Variants in GLB1L2 observed in about 807,000 individuals in gnomAD.
GLB1L2 encodes the protein galactosidase beta 1 like 2, also known as beta-galactosidase-1-like protein 2.
GLB1L2 carries 68 observed loss-of-function variants against 84.1 expected under a neutral mutation model. The observed-to-expected ratio is 0.81, with a 90% CI of 0.67 to 0.99. The LOEUF (loss-of-function observed/expected upper bound fraction) is 0.99, where lower values mean the gene tolerates loss of function less well. Ranked by LOEUF, GLB1L2 falls within the 50% of genes least tolerant of loss-of-function variation. The pLI, the probability that GLB1L2 is intolerant of heterozygous loss-of-function variation, is 0.00. For missense variants in GLB1L2, 762 were observed against 805.6 expected (o/e 0.95, Z 0.66); for synonymous variants, 290 against 318.0 (o/e 0.91, Z 0.94).
At chr11:134,372,169 A>T (rs1943963182) in intron 15 of GLB1L2, among the ~76,000 whole-genome samples, 1 of 152,158 alleles carries the variant, frequency 6.6e-6, no homozygotes, top group Non-Finnish European at 1.5e-5. Flanking sequence ...GATTTCCAGG[A>T]ATCCAAGGAA....
At chr11:134,354,007 T>C (rs543037921) in intron 5 of GLB1L2, among the ~76,000 whole-genome samples, 1 of 152,234 alleles carries the variant, frequency 6.6e-6, no homozygotes, top group Non-Finnish European at 1.5e-5. Context: ...GTATGTCTTT[T>C]GATTGGGGAG....
At chr11:134,363,169 C>A (rs1212148609) in intron 7 of GLB1L2, among the ~76,000 whole-genome samples, 2 of 152,130 alleles carry the variant, frequency 1.3e-5, no homozygotes, top group Admixed American at 1.3e-4. Flanking sequence ...GAGGGTCCCA[C>A]CCAGTGGGCT....
At chr11:134,340,001 T>C (rs2136259492) in intron 1 of GLB1L2, among the ~76,000 whole-genome samples, 1 of 152,200 alleles carries the variant, frequency 6.6e-6, no homozygotes, top group Admixed American at 6.5e-5. Flanking sequence ...TCCTTAGTCA[T>C]CAACTAATCA....
chr11:134,345,226 A>T, intron 4 of GLB1L2, 97 bp downstream of exon 4: 2 of 1,294,842 alleles, frequency 1.5e-6, no homozygotes, highest in South Asian at 3.3e-5. Flanking sequence ...TCTGTACTGA[A>T]TTGTGTTCCA....
intron 16 of GLB1L2, 79 bp from the exon 17 acceptor site, chr11:134,374,066 A>G (rs1179313633): frequency 3.8e-6 from 4 of 1,047,580 alleles, no homozygotes; most frequent in African/African-American, 3.2e-5. Context: ...AAACGGTGTC[A>G]GGGCCTTTTA....
intron 10 of GLB1L2, among the ~76,000 whole-genome samples, chr11:134,368,991 A>G (rs1009610269): frequency 6.6e-6 from 1 of 152,168 alleles, no homozygotes; most frequent in East Asian, 1.9e-4. Context: ...TGGTCACTCT[A>G]CAGAGAGGCC....
intron 7 of GLB1L2, 41 bp from the exon 8 acceptor site, chr11:134,364,287 A>G (rs754187787): frequency 1.3e-6 from 2 of 1,556,182 alleles, no homozygotes; most frequent in Non-Finnish European, 1.8e-6. Context: ...CCTGGCTTTG[A>G]GACAGTGCTT....
chr11:134,345,721 G>A (rs569290513), intron 4 of GLB1L2, among the ~76,000 whole-genome samples: 28 of 152,240 alleles, frequency 1.8e-4, no homozygotes, highest in African/African-American at 6.3e-4. Context: ...TGCCCACCTC[G>A]GCCTCCCAAA....
chr11:134,353,853 C>T (rs527261961), intron 5 of GLB1L2, among the ~76,000 whole-genome samples: 1 of 152,092 alleles, frequency 6.6e-6, no homozygotes, highest in Non-Finnish European at 1.5e-5. Context: ...GCAAAGCCAC[C>T]CCTCCTCTTT....
rs563823702 is a variant in GLB1L2, at chr11:134,346,023, G to T, written c.449+894G>T. On this transcript the variant is annotated intron_variant, in intron 4 of 18. Coordinates refer to ENST00000535456, the MANE Select transcript of GLB1L2 (RefSeq NM_001370461.1). ...GCCTTTAAGATTTTCTTGTTAACTG[G>T]TGTAACCTTTCTCAGCCTCCCAGTG... 2.0e-5 allele frequency among the ~76,000 whole-genome samples: 3 copies of T among 152,180 alleles called. No individual in the cohort carries two copies. The South Asian group carries it at 6.2e-4, about 32-fold the overall frequency.
rs77351609 is a variant in GLB1L2 at position 134,341,310 on chromosome 11, T to C, written c.87-1444T>C. On this transcript the variant is annotated intron_variant, in intron 1 of 18. Coordinates refer to ENST00000535456, the MANE Select transcript of GLB1L2 (RefSeq NM_001370461.1). Reference sequence around the variant, plus strand: ...CCCTCACAGCAGCCTTTCTGAGCAGTTGGGAGAGGCATTAGACTCGTTTTA... The same window carrying C: ...CCCTCACAGCAGCCTTTCTGAGCAGCTGGGAGAGGCATTAGACTCGTTTTA... Among the ~76,000 whole-genome samples, 68 of 152,238 alleles carry C rather than the reference T, an allele frequency of 4.5e-4. No individual in the cohort carries two copies. In the East Asian group the frequency reaches 9.9e-3, roughly 22 times the overall value.
At chr11:134,347,239 C>CT in intron 4 of GLB1L2, 86 bp from the exon 5 acceptor site, 1 of 957,196 alleles carries the variant, frequency 1.0e-6, no homozygotes, top group Non-Finnish European at 1.7e-6. Flanking sequence ...ACTGGGGGGC[C>CT]TCTCCCTTCT....
intron 6 of GLB1L2, among the ~76,000 whole-genome samples, chr11:134,356,960 G>GT (rs546093564): frequency 1.2e-4 from 18 of 152,284 alleles, no homozygotes; most frequent in Admixed American, 5.9e-4. Flanking sequence ...AATGCCTCGA[G>GT]TTTTTTCTAA....
At chr11:134,344,257 T>G (rs889833156) in intron 2 of GLB1L2, 130 bp from the exon 3 acceptor site, 7 of 1,137,764 alleles carry the variant, frequency 6.2e-6, no homozygotes, top group African/African-American at 4.6e-5. Flanking sequence ...AGTTCTTGGT[T>G]CCAGTCCTAA....
At chr11:134,361,992 G>A (rs996897463) in intron 7 of GLB1L2, among the ~76,000 whole-genome samples, 1 of 152,136 alleles carries the variant, frequency 6.6e-6, no homozygotes, top group Non-Finnish European at 1.5e-5. Context: ...GCCCAGTTAC[G>A]CTCACCATGG....
chr11:134,372,827 A>T (rs897518376), intron 15 of GLB1L2, among the ~76,000 whole-genome samples: 2 of 152,116 alleles, frequency 1.3e-5, no homozygotes, highest in Admixed American at 1.3e-4. Flanking sequence ...GATGGGCCTC[A>T]GAGCGGCATC....
intron 3 of GLB1L2, among the ~76,000 whole-genome samples, 186 bp from the exon 4 acceptor site, chr11:134,344,848 C>T (rs1943526295): frequency 1.3e-5 from 2 of 152,376 alleles, no homozygotes; most frequent in South Asian, 4.1e-4. Context: ...TGGGGCTGTG[C>T]AGAGGCTCTG....
At chr11:134,332,247 G>T (rs946423399) in intron 1 of GLB1L2, 100 bp downstream of exon 1, 7 of 793,148 alleles carry the variant, frequency 8.8e-6, no homozygotes, top group Non-Finnish European at 1.4e-5. Context: ...CCGAGTTCCC[G>T]GGGGGAGCAG....
At chr11:134,340,384 C>A (rs1317872610) in intron 1 of GLB1L2, among the ~76,000 whole-genome samples, 1 of 152,216 alleles carries the variant, frequency 6.6e-6, no homozygotes, top group Non-Finnish European at 1.5e-5. Flanking sequence ...CTTCCTCATT[C>A]TGGCCTGGGG....
Sources: gnomAD v4.1 joint callset for allele counts (sites outside exome capture counted in the v4.1 genomes callset) on GRCh38, gnomAD v4.1.1 for gene constraint, MANE v1.5 for transcripts, NCBI Gene and HGNC (gene_info 2026-07-23, HGNC 2026-07-21) for gene names.